MFSD6: variants seen among roughly 807,000 people sequenced by gnomAD.
The protein encoded by MFSD6 is major facilitator superfamily domain-containing protein 6.
MFSD6 carries 26 observed loss-of-function variants against 56.3 expected under a neutral mutation model. The observed-to-expected ratio is 0.46, with a 90% CI of 0.34 to 0.64. The LOEUF is 0.64. MFSD6 is among the 30% of genes least tolerant of loss of function. The pLI is 0.01. For synonymous variants in MFSD6, 331 were observed against 366.9 expected, an observed-to-expected ratio of 0.90 and a Z score of 1.12; for missense variants, 750 against 986.2, an observed-to-expected ratio of 0.76 and a Z score of 3.21.
In MFSD6 at chr2:190,412,650, T is replaced by C. The variant is rs978421510; in HGVS notation, c.-175-2642T>C. 6 of 970,382 alleles carry C rather than the reference T, an allele frequency of 6.2e-6. No individual in the cohort carries two copies. The highest frequency in any genetic ancestry group is 1.1e-4 in the East Asian group (1 of 8,750). The allele number at this position is 970,382 out of a possible 1,614,324, so 60.1% of individuals were successfully genotyped here. A position where few individuals can be genotyped will look rare whatever the true frequency, so the allele number is the denominator to read the frequency against. ...ACCAAGAACATTTCCTTTGAGTTTA[T>C]AATTCCTCCATGTTTAATTATCCAA... On this transcript the variant is annotated intron_variant, in intron 1 of 7. Transcript: ENST00000392328. This position sits in a 1 kb window ranked among gnomAD's most constrained non-coding sequence, Gnocchi z 4.1.
rs931991072 is a variant in MFSD6, at chr2:190,494,045, C to T, written c.1892-3394C>T. Among the ~76,000 whole-genome samples, 1 of 151,012 alleles carries T rather than the reference C, an allele frequency of 6.6e-6. No individual in the cohort carries two copies. The highest frequency in any genetic ancestry group is 2.4e-5 in the African/African-American group (1 of 41,076). On this transcript the variant is annotated intron_variant, in intron 6 of 7. Coordinates refer to ENST00000392328, the MANE Select transcript of MFSD6 (RefSeq NM_017694.4). This position sits in a 1 kb window ranked among gnomAD's most constrained non-coding sequence, Gnocchi z 5.7. ...AAATGAAATTGAAGGAAAAAAAATACAAAAAATAAATGAAACAAAAAGCTG... is the reference window on the plus strand; with the variant it reads ...AAATGAAATTGAAGGAAAAAAAATATAAAAAATAAATGAAACAAAAAGCTG...
In MFSD6 at chr2:190,454,932, G is replaced by GTATGTA. The variant is rs56676240; in HGVS notation, c.1533-14763_1533-14758dup. Among the ~76,000 whole-genome samples, 12,236 of 132,734 alleles carry GTATGTA rather than the reference G, an allele frequency of 0.092. 919 individuals carry two copies. Among genetic ancestry groups the GTATGTA allele is most frequent in the African/African-American group, 0.15 (4,900 of 33,284 alleles). 87.1% of individuals were successfully genotyped at this position (132,734 alleles called of 152,430 possible). A position where few individuals can be genotyped will look rare whatever the true frequency, so the allele number is the denominator to read the frequency against. On this transcript the variant is annotated intron_variant, in intron 3 of 7. Coordinates refer to ENST00000392328, the MANE Select transcript of MFSD6 (RefSeq NM_017694.4). This position sits in a 1 kb window ranked among gnomAD's most constrained non-coding sequence, Gnocchi z 4.6. ...GTATGTATATGTGTTCCTGGTTTCT[G>GTATGTA]TATGTATATGTATATGTATATGTAT...
rs1457646366 is a variant in MFSD6, at chr2:190,462,643, G to A, written c.1533-7115G>A. Among the ~76,000 whole-genome samples, 1 of 152,132 alleles carries A rather than the reference G, an allele frequency of 6.6e-6. No individual in the cohort carries two copies. Among genetic ancestry groups the A allele is most frequent in the African/African-American group, 2.4e-5 (1 of 41,418 alleles). ...AATGGAAACAAAGAGTGTAGCAGAGGAACAGCGGGGGACAGGAGGACTAAT... is the reference window on the plus strand; with the variant it reads ...AATGGAAACAAAGAGTGTAGCAGAGAAACAGCGGGGGACAGGAGGACTAAT... On this transcript the variant is annotated intron_variant, in intron 3 of 7. Transcript: ENST00000392328. The surrounding 1 kb of genome is among the most constrained non-coding windows in gnomAD (Gnocchi z 5.7).
intron 4 of MFSD6, among the ~76,000 whole-genome samples, chr2:190,473,891 A>G (rs1020570837): frequency 1.3e-5 from 2 of 152,360 alleles, no homozygotes; most frequent in South Asian, 2.1e-4. Flanking sequence ...CAATCAAACT[A>G]GAACTCAGGA....
chr2:190,408,769 T>A (rs529304066), intron 1 of MFSD6, among the ~76,000 whole-genome samples: 1 of 147,406 alleles, frequency 6.8e-6, no homozygotes, highest in South Asian at 2.2e-4. Context: ...GGCTGCCGCC[T>A]GCGCCCCCAG....
At chr2:190,478,518 G>A (rs376827339) in intron 4 of MFSD6, among the ~76,000 whole-genome samples, 2 of 152,186 alleles carry the variant, frequency 1.3e-5, no homozygotes, top group African/African-American at 2.4e-5. Flanking sequence ...GTTTGGATTC[G>A]TCTGCCTTTA....
chr2:190,481,929 G>A (rs1226019583), intron 4 of MFSD6, among the ~76,000 whole-genome samples: 3 of 152,202 alleles, frequency 2.0e-5, no homozygotes, highest in Non-Finnish European at 4.4e-5. Flanking sequence ...CAGAGAGACT[G>A]GCTTGCTACT....
At position 190,418,018 on chromosome 2, in the gene MFSD6, G is replaced by T. The variant is rs1690859974; in HGVS notation, c.-54+2605G>T. Reference sequence around the variant, plus strand: ...TGTGTGTGTATGTGAGAGAGAGAGAGATGTGGTTTATCATTGCTTGTCAAT... The same window carrying T: ...TGTGTGTGTATGTGAGAGAGAGAGATATGTGGTTTATCATTGCTTGTCAAT... On this transcript the variant is annotated intron_variant, in intron 2 of 7. Transcript: ENST00000392328. The surrounding 1 kb of genome is among the most constrained non-coding windows in gnomAD (Gnocchi z 4.1). Among the ~76,000 whole-genome samples the T allele has an allele frequency of 6.6e-6, 1 of 151,500 alleles. No homozygotes were observed. The highest frequency in any genetic ancestry group is 2.4e-5 in the African/African-American group (1 of 41,186).
chr2:190,444,528 T>G (rs79970012), intron 3 of MFSD6, among the ~76,000 whole-genome samples: 1 of 152,238 alleles, frequency 6.6e-6, no homozygotes, highest in Non-Finnish European at 1.5e-5. Context: ...AAAGTGGCTG[T>G]GTGTTCTTTT....
rs1417434215 is a variant in MFSD6, at chr2:190,500,902, C to T, written c.*684C>T. On this transcript the variant is annotated 3_prime_UTR_variant, in exon 8 of 8. Coordinates refer to ENST00000392328, the MANE Select transcript of MFSD6 (RefSeq NM_017694.4). The surrounding 1 kb of genome is among the most constrained non-coding windows in gnomAD (Gnocchi z 5.3). ...TATTATTAACTACTGCAAGCTAAGC[C>T]GAGCTTAAAAATGCCTTTTGTTTTA... is the stretch of plus-strand genomic sequence containing the variant. 2.0e-5 allele frequency: 3 copies of T among 152,010 alleles called. No homozygotes were observed. Among genetic ancestry groups the T allele is most frequent in the Non-Finnish European group, 2.9e-5 (2 of 68,008 alleles). The allele number at this position is 152,010 out of a possible 1,614,324, so 9.4% of individuals were successfully genotyped here. A position where few individuals can be genotyped will look rare whatever the true frequency, so the allele number is the denominator to read the frequency against.
rs1689202697 is a variant in MFSD6, at chr2:190,489,423, A to G, written c.1793-345A>G. The stretch of plus-strand genomic sequence containing the variant: ...CTATTTGAGCACTGCTGTTCCAACT[A>G]CAGATTAATAGTGCTGTTAGTTAAT... On this transcript the variant is annotated intron_variant, in intron 5 of 7. Transcript: ENST00000392328. The surrounding 1 kb of genome is among the most constrained non-coding windows in gnomAD (Gnocchi z 6.6). 6.6e-6 allele frequency among the ~76,000 whole-genome samples: 1 copy of G among 152,216 alleles called. No individual in the cohort carries two copies. Among genetic ancestry groups the G allele is most frequent in the African/African-American group, 2.4e-5 (1 of 41,452 alleles).
At position 190,437,991 on chromosome 2, in the gene MFSD6, T is replaced by C. The variant is rs937499044; in HGVS notation, c.1532+430T>C. On this transcript the variant is annotated intron_variant, in intron 3 of 7. Transcript: ENST00000392328. The surrounding 1 kb of genome is among the most constrained non-coding windows in gnomAD (Gnocchi z 5.9). ...CTTTATTCTCAGCCACTTGCTGACA[T>C]AGATAGAGCCTGAATATATGGCATC... 6.6e-6 allele frequency among the ~76,000 whole-genome samples: 1 copy of C among 151,738 alleles called. No homozygotes were observed. Among genetic ancestry groups the C allele is most frequent in the Non-Finnish European group, 1.5e-5 (1 of 68,014 alleles).
intron 2 of MFSD6, among the ~76,000 whole-genome samples, chr2:190,429,593 G>A (rs1306570531): frequency 6.6e-6 from 1 of 152,026 alleles, no homozygotes; most frequent in Non-Finnish European, 1.5e-5. Flanking sequence ...AGGATTACAG[G>A]TATGAGCTAC....
chr2:190,426,655 A>G lies in MFSD6; in HGVS notation c.-53-9322A>G, dbSNP rs1029440353. ...CATTCTCCCCACTTTTGGAGTCCCC[A>G]GTGTCTATTATTTCCAAATGATGGT... is the stretch of plus-strand genomic sequence containing the variant. On this transcript the variant is annotated intron_variant, in intron 2 of 7. Coordinates refer to ENST00000392328, the MANE Select transcript of MFSD6 (RefSeq NM_017694.4). The surrounding 1 kb of genome is among the most constrained non-coding windows in gnomAD (Gnocchi z 4.7). Among the ~76,000 whole-genome samples the G allele has an allele frequency of 6.6e-6, 1 of 152,028 alleles. No homozygotes were observed. The highest frequency in any genetic ancestry group is 1.5e-5 in the Non-Finnish European group (1 of 68,008).
chr2:190,469,748 T>TTTTTA lies in MFSD6; in HGVS notation c.1533-6_1533-5insATTTT, dbSNP rs1340793908. 7.0e-7 allele frequency: 1 copy of TTTTTA among 1,436,244 alleles called. No homozygotes were observed. The highest frequency in any genetic ancestry group is 9.2e-7 in the Non-Finnish European group (1 of 1,086,446). 89.0% of individuals were successfully genotyped at this position (1,436,244 alleles called of 1,614,324 possible). A position where few individuals can be genotyped will look rare whatever the true frequency, so the allele number is the denominator to read the frequency against. On this transcript the variant is annotated splice_polypyrimidine_tract_variant and intron_variant, in intron 3 of 7. Transcript: ENST00000392328. This position sits in a 1 kb window ranked among gnomAD's most constrained non-coding sequence, Gnocchi z 5.3. ...TTTTTATTTTATTTTTATTTTTTAT[T>TTTTTA]TTTTTTTAGGGTTCTGTACATTGGC...
rs550574596 is a variant in MFSD6 at position 190,431,573 on chromosome 2, C to T, written c.-53-4404C>T. On this transcript the variant is annotated intron_variant, in intron 2 of 7. Coordinates refer to ENST00000392328, the MANE Select transcript of MFSD6 (RefSeq NM_017694.4). This position sits in a 1 kb window ranked among gnomAD's most constrained non-coding sequence, Gnocchi z 4.4. ...TACGAAAACCAGTCAGGTGTGGCGG[C>T]GCGCGCCTGCAATCGCAGGCACTTG... Among the ~76,000 whole-genome samples the T allele has an allele frequency of 5.9e-5, 9 of 152,320 alleles. No homozygotes were observed. In the South Asian group the frequency reaches 1.2e-3, roughly 21 times the overall value.
At position 190,490,556 on chromosome 2, in the gene MFSD6, C is replaced by T. The variant is rs904328708; in HGVS notation, c.1891+690C>T. ...CCAGCCTGGGGGAACGAGCAAGACT[C>T]CCTCTCAAAAAAAAAACAAAAAACA... On this transcript the variant is annotated intron_variant, in intron 6 of 7. Coordinates refer to ENST00000392328, the MANE Select transcript of MFSD6 (RefSeq NM_017694.4). This position sits in a 1 kb window ranked among gnomAD's most constrained non-coding sequence, Gnocchi z 4.5. 6.7e-6 allele frequency among the ~76,000 whole-genome samples: 1 copy of T among 148,924 alleles called. No homozygotes were observed. Among genetic ancestry groups the T allele is most frequent in the Non-Finnish European group, 1.5e-5 (1 of 66,350 alleles).
In MFSD6 at chr2:190,469,879, A is replaced by G; in HGVS notation, c.1630+24A>G. 1 of 1,520,808 alleles carries G rather than the reference A, an allele frequency of 6.6e-7. No homozygotes were observed. The highest frequency in any genetic ancestry group is 2.3e-5 in the East Asian group (1 of 44,258). The allele number at this position is 1,520,808 out of a possible 1,614,324, so 94.2% of individuals were successfully genotyped here. On this transcript the variant is annotated intron_variant, in intron 4 of 7. Coordinates refer to ENST00000392328, the MANE Select transcript of MFSD6 (RefSeq NM_017694.4). This position sits in a 1 kb window ranked among gnomAD's most constrained non-coding sequence, Gnocchi z 5.3. ...AGGTAAGTTAACAGCTGGGATTGAAATTATTTCTCTGCCTTCCCTGAGCTG... is the reference window on the plus strand; with the variant it reads ...AGGTAAGTTAACAGCTGGGATTGAAGTTATTTCTCTGCCTTCCCTGAGCTG...
intron 4 of MFSD6, among the ~76,000 whole-genome samples, chr2:190,482,835 G>A (rs2125209420): frequency 7.1e-6 from 1 of 140,410 alleles, no homozygotes; most frequent in South Asian, 2.4e-4. Flanking sequence ...CAGCTCTTCA[G>A]AAAGGGTGGA....
Sources: allele counts gnomAD v4.1 joint callset (sites outside exome capture counted in the v4.1 genomes callset), GRCh38; gene constraint gnomAD v4.1.1; non-coding constraint Gnocchi (gnomAD v3.1); transcripts MANE v1.5; gene names NCBI Gene and HGNC (gene_info 2026-07-23, HGNC 2026-07-21).